APBB2: variants seen among roughly 807,000 people sequenced by gnomAD.
APBB2 encodes the protein Fe65-like 1.
Under a neutral mutation model 82.5 loss-of-function variants are expected in APBB2, and 38 were observed. That is an observed-to-expected ratio of 0.46 (90% CI 0.36 to 0.60). The LOEUF (loss-of-function observed/expected upper bound fraction) is 0.60, where lower values mean the gene tolerates loss of function less well. Among genes scored for constraint, APBB2 ranks in the 20% least tolerant of loss-of-function variants. The pLI, the probability that APBB2 is intolerant of heterozygous loss-of-function variation, is 0.00. For missense variants in APBB2, 772 were observed against 972.3 expected (o/e 0.79, Z 2.74); for synonymous variants, 341 against 368.2 (o/e 0.93, Z 0.85).
intron 4 of APBB2, among the ~76,000 whole-genome samples, chr4:41,051,586 T>C (rs1198677275): frequency 6.6e-6 from 1 of 152,172 alleles, no homozygotes; most frequent in Non-Finnish European, 1.5e-5. Flanking sequence ...CTGGCACTAA[T>C]CCATCCTCTG....
intron 17 of APBB2, among the ~76,000 whole-genome samples, chr4:40,819,875 C>T (rs1242795958): frequency 6.6e-6 from 1 of 152,134 alleles, no homozygotes; most frequent in Non-Finnish European, 1.5e-5. Flanking sequence ...TACAGTGGTG[C>T]CATCGTAGCT....
At chr4:41,016,530 G>A (rs570297513) in intron 5 of APBB2, among the ~76,000 whole-genome samples, 20 of 152,132 alleles carry the variant, frequency 1.3e-4, no homozygotes, top group African/African-American at 3.4e-4. Flanking sequence ...GCATGGTGGC[G>A]CATGCCGGTA....
At chr4:40,991,922 C>T (rs1234634555) in intron 6 of APBB2, among the ~76,000 whole-genome samples, 1 of 152,056 alleles carries the variant, frequency 6.6e-6, no homozygotes, top group East Asian at 1.9e-4. Flanking sequence ...AACAATTCTA[C>T]CTGTGAGGGT....
chr4:41,188,769 C>A (rs542193220), intron 1 of APBB2, among the ~76,000 whole-genome samples: 2 of 152,242 alleles, frequency 1.3e-5, no homozygotes, highest in South Asian at 4.2e-4. Context: ...TGGCAACTAG[C>A]AGGGTGTGGT....
intron 1 of APBB2, among the ~76,000 whole-genome samples, chr4:41,213,342 C>G (rs1011883582): frequency 6.6e-6 from 1 of 152,010 alleles, no homozygotes; most frequent in Non-Finnish European, 1.5e-5. Context: ...CTGTCCCCTC[C>G]GAGAGCCCAG....
At chr4:40,923,754 A>T (rs1439044041) in intron 10 of APBB2, among the ~76,000 whole-genome samples, 5 of 152,226 alleles carry the variant, frequency 3.3e-5, no homozygotes, top group Admixed American at 3.3e-4. Flanking sequence ...GCCAAGAGTT[A>T]GACAACAATG....
chr4:41,090,593 G>C lies in APBB2; in HGVS notation c.-149+10046C>G, dbSNP rs538817457. Among the ~76,000 whole-genome samples, 53 of 152,222 alleles carry C rather than the reference G, an allele frequency of 3.5e-4. No homozygotes were observed. In the Middle Eastern group the frequency reaches 0.014, roughly 39 times the overall value. On this transcript the variant is annotated intron_variant, in intron 3 of 17. Transcript: ENST00000508593. ...AGTTCATCAAAGCAGTCTGAATGCTGTAAAGATTTTTTAAAAAGATATAGA... is the reference window on the plus strand; with the variant it reads ...AGTTCATCAAAGCAGTCTGAATGCTCTAAAGATTTTTTAAAAAGATATAGA...
intron 6 of APBB2, among the ~76,000 whole-genome samples, chr4:40,983,836 C>G (rs1253391531): frequency 6.6e-6 from 1 of 152,192 alleles, no homozygotes; most frequent in Non-Finnish European, 1.5e-5. Flanking sequence ...CTCGGCCTCC[C>G]AAAGTGCTGG....
At chr4:41,162,393 G>C (rs533005450) in intron 1 of APBB2, among the ~76,000 whole-genome samples, 1 of 151,684 alleles carries the variant, frequency 6.6e-6, no homozygotes, top group East Asian at 1.9e-4. Flanking sequence ...TTGTACCATG[G>C]GGACGATTCT....
At position 40,921,058 on chromosome 4, in the gene APBB2, A is replaced by G. The variant is rs192387660; in HGVS notation, c.1254+13398T>C. 3.3e-5 allele frequency among the ~76,000 whole-genome samples: 5 copies of G among 152,290 alleles called. No individual in the cohort carries two copies. In the East Asian group the frequency reaches 9.6e-4, roughly 29 times the overall value. On this transcript the variant is annotated intron_variant, in intron 10 of 17. Coordinates refer to ENST00000508593, the MANE Select transcript of APBB2 (RefSeq NM_004307.2). The stretch of plus-strand genomic sequence containing the variant: ...TGTGCCTCGGCTCCCTCAACTCAAA[A>G]TAAGAGACCCTCACAAGGCTTGTGG...
intron 2 of APBB2, among the ~76,000 whole-genome samples, chr4:41,105,872 C>A (rs1361524270): frequency 1.4e-5 from 2 of 139,178 alleles, no homozygotes; most frequent in African/African-American, 5.4e-5. Context: ...GGCGACAGAG[C>A]GAGACCCCGT....
At chr4:41,203,218 A>ACG (rs1777141803) in intron 1 of APBB2, among the ~76,000 whole-genome samples, 1 of 152,138 alleles carries the variant, frequency 6.6e-6, no homozygotes, top group African/African-American at 2.4e-5. Context: ...ATACACACAC[A>ACG]CACGTGTACA....
At chr4:41,182,085 A>C (rs1035789346) in intron 1 of APBB2, among the ~76,000 whole-genome samples, 6 of 152,310 alleles carry the variant, frequency 3.9e-5, no homozygotes, top group Non-Finnish European at 8.8e-5. Flanking sequence ...CCCTTCTAAG[A>C]AGGTCACATA....
At chr4:40,968,216 G>A (rs551120167) in intron 6 of APBB2, among the ~76,000 whole-genome samples, 2 of 152,298 alleles carry the variant, frequency 1.3e-5, no homozygotes, top group South Asian at 4.1e-4. Context: ...AGTAACAGTA[G>A]GCTGGGATTT....
intron 12 of APBB2, among the ~76,000 whole-genome samples, chr4:40,886,863 T>C (rs935280053): frequency 1.3e-5 from 2 of 152,196 alleles, no homozygotes; most frequent in Admixed American, 6.5e-5. Flanking sequence ...TGAAACCCCT[T>C]GCCCCAGCCT....
chr4:41,095,621 T>A (rs909174640), intron 3 of APBB2, among the ~76,000 whole-genome samples: 19 of 152,144 alleles, frequency 1.2e-4, no homozygotes, highest in African/African-American at 4.1e-4. Context: ...TTATAAAAGG[T>A]GCTCTCTCTA....
intron 1 of APBB2, among the ~76,000 whole-genome samples, chr4:41,151,192 T>TAAC (rs1353002566): frequency 6.6e-6 from 1 of 152,234 alleles, no homozygotes; most frequent in African/African-American, 2.4e-5. Context: ...TATCTTAAAA[T>TAAC]TGTTAACATA....
Position 40,816,266 on chromosome 4 carries a change from TAAAAC to T in APBB2, c.2113-12_2113-8del, listed in dbSNP as rs1204516632. On this transcript the variant is annotated splice_polypyrimidine_tract_variant and splice_region_variant and intron_variant, in intron 17 of 17. Coordinates refer to ENST00000508593, the MANE Select transcript of APBB2 (RefSeq NM_004307.2). ...AGCACTTCTGATATCGTAACTGAAA[TAAAAC>T]AAAACGTGTTTTAAGGTAATTAACA... 9 of 1,614,038 alleles carry T rather than the reference TAAAAC, an allele frequency of 5.6e-6. No homozygotes were observed. The highest frequency in any genetic ancestry group is 2.7e-5 in the African/African-American group (2 of 74,934).
intron 5 of APBB2, among the ~76,000 whole-genome samples, chr4:41,019,591 G>C: frequency 6.6e-6 from 1 of 152,194 alleles, no homozygotes; most frequent in Non-Finnish European, 1.5e-5. Flanking sequence ...GGAAGGTGAT[G>C]AAGTCGTCGG....
Sources: allele counts gnomAD v4.1 joint callset (sites outside exome capture counted in the v4.1 genomes callset), GRCh38; gene constraint gnomAD v4.1.1; transcripts MANE v1.5; gene names NCBI Gene and HGNC (gene_info 2026-07-23, HGNC 2026-07-21).